Variants in CSMD1 observed in about 807,000 individuals in gnomAD.
The protein encoded by CSMD1 is CUB and sushi domain-containing protein 1.
Under a neutral mutation model 417.5 loss-of-function variants are expected in CSMD1, and 213 were observed. The ratio of observed to expected loss-of-function variants is 0.51; its 90% CI spans 0.46 to 0.57. CSMD1 has a LOEUF of 0.57. Among genes scored for constraint, CSMD1 ranks in the 20% least tolerant of loss-of-function variants. The probability of loss-of-function intolerance (pLI) is 0.00; values close to 1 mark genes in which losing one functional copy is unlikely to be tolerated. For synonymous variants in CSMD1, 2,862 were observed against 1,736.8 expected, an observed-to-expected ratio of 1.65 and a Z score of -16.11; for missense variants, 6,923 against 4,529.7, an observed-to-expected ratio of 1.53 and a Z score of -15.17.
At chr8:4,194,167 C>A (rs947678932) in intron 3 of CSMD1, among the ~76,000 whole-genome samples, 3 of 152,050 alleles carry the variant, frequency 2.0e-5, no homozygotes, top group Non-Finnish European at 4.4e-5. Context: ...AAAATATTGC[C>A]CTATCAAGTC....
At chr8:4,670,130 G>T (rs192858292) in intron 1 of CSMD1, among the ~76,000 whole-genome samples, 1 of 152,146 alleles carries the variant, frequency 6.6e-6, no homozygotes, top group Non-Finnish European at 1.5e-5. Flanking sequence ...TTAGGGTAGG[G>T]TTAGAAATAT....
intron 5 of CSMD1, among the ~76,000 whole-genome samples, chr8:3,800,254 C>G (rs1466279913): frequency 2.0e-5 from 3 of 152,040 alleles, no homozygotes; most frequent in African/African-American, 4.8e-5. Flanking sequence ...ATTGGAATAA[C>G]ATTATATATT....
chr8:4,916,930 AG>A (rs1806103202), intron 1 of CSMD1, among the ~76,000 whole-genome samples: 1 of 152,226 alleles, frequency 6.6e-6, no homozygotes, highest in Non-Finnish European at 1.5e-5. Flanking sequence ...TCATGTCAAC[AG>A]GGTGTGAGAC....
chr8:4,880,877 T>C (rs748172933), intron 1 of CSMD1, among the ~76,000 whole-genome samples: 5 of 152,178 alleles, frequency 3.3e-5, no homozygotes, highest in Non-Finnish European at 7.3e-5. Context: ...TTATTCATGC[T>C]TTATAGAAAG....
At chr8:3,668,246 T>C (rs1798806034) in intron 7 of CSMD1, among the ~76,000 whole-genome samples, 1 of 152,166 alleles carries the variant, frequency 6.6e-6, no homozygotes, top group East Asian at 1.9e-4. Context: ...CTGGATCTCA[T>C]TCTGGGTGAT....
At chr8:3,374,918 G>T (rs1442583510) in intron 18 of CSMD1, among the ~76,000 whole-genome samples, 1 of 152,176 alleles carries the variant, frequency 6.6e-6, no homozygotes, top group Non-Finnish European at 1.5e-5. Flanking sequence ...CTGGAACTCA[G>T]AAATTGAATT....
chr8:3,186,096 GCTGTCTATTTACCAAATA>G (rs1563122923), intron 36 of CSMD1, among the ~76,000 whole-genome samples: 3 of 149,206 alleles, frequency 2.0e-5, no homozygotes. Context: ...TACCTGTAAT[GCTGTCTATTTACCAAATA>G]TTATTTATAT....
At chr8:3,860,481 A>T (rs1055220864) in intron 5 of CSMD1, among the ~76,000 whole-genome samples, 12 of 152,176 alleles carry the variant, frequency 7.9e-5, no homozygotes, top group African/African-American at 2.9e-4. Context: ...ATAGTTTTTA[A>T]AATGTACTTG....
chr8:3,144,493 T>C (rs192462612), intron 40 of CSMD1, among the ~76,000 whole-genome samples: 6 of 152,114 alleles, frequency 3.9e-5, no homozygotes, highest in African/African-American at 1.4e-4. Flanking sequence ...GAATTCTTTT[T>C]AGAATGAGTA....
chr8:4,184,353 C>G (rs938587233), intron 3 of CSMD1, among the ~76,000 whole-genome samples: 1 of 152,152 alleles, frequency 6.6e-6, no homozygotes, highest in Non-Finnish European at 1.5e-5. Flanking sequence ...GTCATCAACA[C>G]TGGAACTGTG....
At chr8:3,273,911 T>A (rs201296066) in intron 26 of CSMD1, among the ~76,000 whole-genome samples, 1 of 152,174 alleles carries the variant, frequency 6.6e-6, no homozygotes, top group Non-Finnish European at 1.5e-5. Flanking sequence ...GAAGGGTTTT[T>A]TGTGTCTCTA....
intron 3 of CSMD1, among the ~76,000 whole-genome samples, chr8:4,413,904 A>G (rs1215365793): frequency 6.6e-6 from 1 of 152,238 alleles, no homozygotes; most frequent in East Asian, 1.9e-4. Context: ...AAGTTACCTA[A>G]TTAGCCCAGA....
intron 3 of CSMD1, among the ~76,000 whole-genome samples, chr8:4,310,018 GTA>G (rs1204230648): frequency 1.3e-5 from 2 of 152,230 alleles, no homozygotes; most frequent in East Asian, 3.9e-4. Context: ...ACGCTAAAAG[GTA>G]TGAAAAGCCT....
rs550620913 is a variant in CSMD1 at position 3,248,379 on chromosome 8, T to G, written c.4154-18148A>C. The stretch of plus-strand genomic sequence containing the variant: ...TATCCCAATTTGAATAAAAATTACA[T>G]AATCTTCCCACCTATGAAGTCCTTT... On this transcript the variant is annotated intron_variant, in intron 26 of 69. Coordinates refer to ENST00000635120, the MANE Select transcript of CSMD1 (RefSeq NM_033225.6). Among the ~76,000 whole-genome samples, 3 of 152,244 alleles carry G rather than the reference T, an allele frequency of 2.0e-5. No individual in the cohort carries two copies. In the South Asian group the frequency reaches 6.2e-4, roughly 32 times the overall value.
At position 4,085,120 on chromosome 8, in the gene CSMD1, C is replaced by A. The variant is rs1769064446; in HGVS notation, c.416-53021G>T. On this transcript the variant is annotated intron_variant, in intron 3 of 69. Transcript: ENST00000635120. ...ATATTGGTCCAACCAGTTGGACAAC[C>A]CTGAGGCTGAGATGTCACCGGCCTT... Among the ~76,000 whole-genome samples the A allele has an allele frequency of 2.0e-5, 3 of 152,080 alleles. No homozygotes were observed. In the South Asian group the frequency reaches 6.2e-4, roughly 32 times the overall value.
intron 1 of CSMD1, among the ~76,000 whole-genome samples, chr8:4,715,798 C>T (rs1042342578): frequency 1.3e-5 from 2 of 152,176 alleles, no homozygotes; most frequent in African/African-American, 2.4e-5. Context: ...ACGAGCCCGT[C>T]CTCCTATCTC....
intron 23 of CSMD1, among the ~76,000 whole-genome samples, chr8:3,325,247 A>T (rs531998438): frequency 2.6e-4 from 40 of 152,350 alleles, no homozygotes; most frequent in Admixed American, 4.6e-4. Flanking sequence ...TTGCAAATGC[A>T]ATGCATCCAT....
chr8:3,005,613 T>C lies in CSMD1; in HGVS notation c.8030-5482A>G, dbSNP rs562294656. ...TTCATCCCTGGGATGCAAGGCTGGT[T>C]CAATTACACAAATCAATAAATGTAA... On this transcript the variant is annotated intron_variant, in intron 52 of 69. Transcript: ENST00000635120. 2.7e-4 allele frequency among the ~76,000 whole-genome samples: 41 copies of C among 152,300 alleles called. No individual in the cohort carries two copies. The South Asian group carries it at 8.5e-3, about 32-fold the overall frequency.
intron 7 of CSMD1, among the ~76,000 whole-genome samples, chr8:3,705,324 G>T (rs114960560): frequency 0.028 from 4,235 of 152,258 alleles, 187 homozygotes; most frequent in African/African-American, 0.096. Flanking sequence ...GACAGCTTCA[G>T]GGGGCTGCAG....
Sources: allele counts gnomAD v4.1 joint callset (sites outside exome capture counted in the v4.1 genomes callset), GRCh38; gene constraint gnomAD v4.1.1; transcripts MANE v1.5; gene names NCBI Gene and HGNC (gene_info 2026-07-23, HGNC 2026-07-21).